The following FOCAD variants were observed in gnomAD, a reference collection of about 807,000 sequenced individuals.
FOCAD encodes the protein KIAA1797.
A neutral mutation model predicts 225.6 loss-of-function variants in FOCAD; 198 were observed. That is an observed-to-expected ratio of 0.88 (90% CI 0.78 to 0.99). FOCAD has a LOEUF of 0.99. FOCAD is among the 50% of genes least tolerant of loss of function. The pLI, the probability that FOCAD is intolerant of heterozygous loss-of-function variation, is 0.00. For synonymous variants in FOCAD, 897 were observed against 755.0 expected (o/e 1.19, Z -3.08); for missense variants, 2,713 against 2,123.6 (o/e 1.28, Z -5.46).
At position 20,913,025 on chromosome 9, in the gene FOCAD, T is replaced by TA. The variant is rs1431678244; in HGVS notation, c.2807+74dup. On this transcript the variant is annotated intron_variant, in intron 23 of 43. Coordinates refer to ENST00000338382, the MANE Select transcript of FOCAD (RefSeq NM_001375567.1). ...GCTATGAGGGGAAAGGTAACTACTT[T>TA]AAAGGCTTTAAGATTAGCAGGTTTA... 64 of 1,264,066 alleles carry TA rather than the reference T, an allele frequency of 5.1e-5. 1 individual carries two copies. The highest frequency in any genetic ancestry group is 2.7e-4 in the Admixed American group (14 of 51,150). The allele number at this position is 1,264,066 out of a possible 1,614,324, so 78.3% of individuals were successfully genotyped here.
chr9:20,701,662 T>C (rs1823962295), intron 1 of FOCAD, among the ~76,000 whole-genome samples: 1 of 152,212 alleles, frequency 6.6e-6, no homozygotes, highest in Admixed American at 6.5e-5. Context: ...TAAAGGCATA[T>C]AACCAAAGAA....
chr9:20,798,062 G>T (rs1323987074), intron 11 of FOCAD, among the ~76,000 whole-genome samples: 1 of 152,120 alleles, frequency 6.6e-6, no homozygotes, highest in Non-Finnish European at 1.5e-5. Flanking sequence ...ATGAAGCATT[G>T]TTGAATTTTG....
rs71334555 is a variant in FOCAD at position 20,815,137 on chromosome 9, G to GT, written c.1456-4642dup. ...TACTTCTCTTTGTTTTTTTTTTTTTGTTTTTTTTTTTTTTTTTGAGACAGT... is the reference window on the plus strand; with the variant it reads ...TACTTCTCTTTGTTTTTTTTTTTTTGTTTTTTTTTTTTTTTTTTGAGACAGT... On this transcript the variant is annotated intron_variant, in intron 11 of 43. Transcript: ENST00000338382. Among the ~76,000 whole-genome samples, 153 of 69,154 alleles carry GT rather than the reference G, an allele frequency of 2.2e-3. 4 individuals carry two copies. Among genetic ancestry groups the GT allele is most frequent in the South Asian group, 2.9e-3 (5 of 1,738 alleles). 45.4% of individuals were successfully genotyped at this position (69,154 alleles called of 152,430 possible). A position where few individuals can be genotyped will look rare whatever the true frequency, so the allele number is the denominator to read the frequency against.
intron 1 of FOCAD, among the ~76,000 whole-genome samples, chr9:20,696,829 T>A (rs990368194): frequency 3.3e-5 from 5 of 150,998 alleles, no homozygotes; most frequent in South Asian, 4.2e-4. Flanking sequence ...TAATAATAAT[T>A]AATTGCCATC....
chr9:20,693,186 TC>T (rs1280605348), intron 1 of FOCAD, among the ~76,000 whole-genome samples: 1 of 152,182 alleles, frequency 6.6e-6, no homozygotes, highest in Admixed American at 6.5e-5. Context: ...TCTTACTTAA[TC>T]TGCTCAAATG....
At chr9:20,870,701 G>T (rs1298211071) in intron 18 of FOCAD, among the ~76,000 whole-genome samples, 1 of 152,134 alleles carries the variant, frequency 6.6e-6, no homozygotes, top group African/African-American at 2.4e-5. Flanking sequence ...AGTGTTCTGT[G>T]TTACCAGATG....
At chr9:20,765,835 G>A (rs1164574839) in intron 7 of FOCAD, among the ~76,000 whole-genome samples, 3 of 152,094 alleles carry the variant, frequency 2.0e-5, no homozygotes, top group African/African-American at 7.2e-5. Flanking sequence ...GCCTGGAATC[G>A]CAGCACCATG....
At chr9:20,855,715 C>A (rs1466112757) in intron 15 of FOCAD, among the ~76,000 whole-genome samples, 2 of 151,260 alleles carry the variant, frequency 1.3e-5, no homozygotes, top group Non-Finnish European at 3.0e-5. Context: ...TTTTTGTACC[C>A]ATTAATCATT....
At chr9:20,869,387 G>A (rs1829569064) in intron 18 of FOCAD, among the ~76,000 whole-genome samples, 1 of 152,052 alleles carries the variant, frequency 6.6e-6, no homozygotes, top group Non-Finnish European at 1.5e-5. Context: ...GCTACTTTGT[G>A]AATTATAATT....
intron 11 of FOCAD, among the ~76,000 whole-genome samples, chr9:20,807,931 A>G (rs943852773): frequency 6.6e-6 from 1 of 152,050 alleles, no homozygotes; most frequent in Non-Finnish European, 1.5e-5. Flanking sequence ...CACACCTGTA[A>G]TTCCAGCTAC....
intron 28 of FOCAD, among the ~76,000 whole-genome samples, chr9:20,936,143 G>A (rs1835938015): frequency 6.6e-6 from 1 of 152,290 alleles, no homozygotes. Flanking sequence ...TGGAACGTCA[G>A]GCATGAATCC....
chr9:20,863,451 C>T (rs2131704201), intron 16 of FOCAD: 1 of 152,186 alleles, frequency 6.6e-6, no homozygotes, highest in African/African-American at 2.4e-5. Flanking sequence ...TTAGAAGATA[C>T]TTCAACTCAT....
intron 11 of FOCAD, among the ~76,000 whole-genome samples, chr9:20,812,090 A>G (rs1823137435): frequency 1.3e-5 from 2 of 152,070 alleles, no homozygotes; most frequent in South Asian, 4.1e-4. Context: ...ATCTAAGGCT[A>G]TGAGTAAAAT....
At chr9:20,971,496 A>G (rs964540969) in intron 35 of FOCAD, among the ~76,000 whole-genome samples, 2 of 151,848 alleles carry the variant, frequency 1.3e-5, no homozygotes, top group South Asian at 2.1e-4. Flanking sequence ...CTGGAGTACA[A>G]TGGTGCAATC....
chr9:20,872,077 T>G (rs1180381047), intron 18 of FOCAD, among the ~76,000 whole-genome samples: 1 of 152,026 alleles, frequency 6.6e-6, no homozygotes, highest in Non-Finnish European at 1.5e-5. Context: ...TAAATACATA[T>G]AGTATATAAT....
At chr9:20,660,352 G>C (rs1254282912) in intron 2 of FOCAD, among the ~76,000 whole-genome samples, 1 of 152,108 alleles carries the variant, frequency 6.6e-6, no homozygotes, top group Non-Finnish European at 1.5e-5. Flanking sequence ...TTGAGGCAGA[G>C]AAAAAATACC....
chr9:20,789,895 G>T (rs571153121), intron 11 of FOCAD, among the ~76,000 whole-genome samples: 1 of 152,058 alleles, frequency 6.6e-6, no homozygotes, highest in Non-Finnish European at 1.5e-5. Context: ...TTGCTATTTT[G>T]TAATGCTTTT....
Position 20,778,742 on chromosome 9 carries a change from G to C in FOCAD, c.968G>C (p.Ser323Thr). Residue 323 changes from serine (S) to threonine (T), a missense_variant, in exon 9 of 44, where the codon AGT becomes ACT. Physicochemically the swap from Ser to Thr is moderately conservative, Grantham distance 58. Transcript: ENST00000338382. ...IALLLLQTPA[S>T]QQKPILNLAL... is the part of the protein sequence containing the mutation. ...TTACTACTTCTACAGACTCCAGCAAGTCAGCAGAAGCCAATCTTAAATCTA... is the reference window on the plus strand; with the variant it reads ...TTACTACTTCTACAGACTCCAGCAACTCAGCAGAAGCCAATCTTAAATCTA... 6.2e-7 allele frequency: 1 copy of C among 1,610,650 alleles called. No homozygotes were observed. The highest frequency in any genetic ancestry group is 8.5e-7 in the Non-Finnish European group (1 of 1,177,498).
rs540361057 is a variant in FOCAD, at chr9:20,923,231, G to A, written c.2853-429G>A. Among the ~76,000 whole-genome samples the A allele has an allele frequency of 9.2e-5, 14 of 152,122 alleles. No homozygotes were observed. The East Asian group carries it at 9.6e-4, about 10-fold the overall frequency. ...TTGCTAGAAGCCAGTTCAACATACC[G>A]GTGCTTCAGAAAAGCCAAAGATTGT... On this transcript the variant is annotated intron_variant, in intron 24 of 43. Coordinates refer to ENST00000338382, the MANE Select transcript of FOCAD (RefSeq NM_001375567.1).
Sources: allele counts gnomAD v4.1 joint callset (sites outside exome capture counted in the v4.1 genomes callset), GRCh38; gene constraint gnomAD v4.1.1; transcripts MANE v1.5; gene names NCBI Gene and HGNC (gene_info 2026-07-23, HGNC 2026-07-21).